The following ARMC3 variants were observed in gnomAD, a reference collection of about 807,000 sequenced individuals.
ARMC3 encodes armadillo repeat-containing protein 3.
Under a neutral mutation model 90.3 loss-of-function variants are expected in ARMC3, and 74 were observed. The observed-to-expected ratio is 0.82, with a 90% CI of 0.68 to 0.99. The LOEUF (loss-of-function observed/expected upper bound fraction) is 0.99. ARMC3 is among the 50% of genes least tolerant of loss of function. The pLI is 0.00. For missense variants in ARMC3, 958 were observed against 1,042.8 expected (o/e 0.92, Z 1.12); for synonymous variants, 334 against 361.8 (o/e 0.92, Z 0.87).
Position 23,037,278 on chromosome 10 carries a change from T to G in ARMC3, c.2418T>G (p.Ala806=). ...CTTGTTTTCTCCTGCAGGCTCTGGC[T>G]GATAGAATTGGCATTGGTTGCTCCC... ...YHRALLFKAL[A]DRIGIGCSLV... The change falls in exon 19 of 19, where the codon GCT becomes GCG. Residue 806 remains alanine (A), a synonymous_variant. Transcript: ENST00000298032. 1 of 1,592,968 alleles carries G rather than the reference T, an allele frequency of 6.3e-7. No individual in the cohort carries two copies. Among genetic ancestry groups the G allele is most frequent in the South Asian group, 1.1e-5 (1 of 88,032 alleles).
intron 2 of ARMC3, among the ~76,000 whole-genome samples, chr10:22,942,901 A>C (rs1232184664): frequency 6.6e-6 from 1 of 152,236 alleles, no homozygotes; most frequent in Non-Finnish European, 1.5e-5. Flanking sequence ...CTATATAAGC[A>C]AAAATGTGAA....
At chr10:22,963,549 T>C (rs1835294868) in intron 7 of ARMC3, among the ~76,000 whole-genome samples, 1 of 151,864 alleles carries the variant, frequency 6.6e-6, no homozygotes, top group Non-Finnish European at 1.5e-5. Flanking sequence ...GTCCTGGAAG[T>C]TGGAACCGGG....
chr10:23,003,496 A>T (rs1564386967), intron 13 of ARMC3, 82 bp downstream of exon 13: 2 of 1,076,646 alleles, frequency 1.9e-6, no homozygotes, highest in South Asian at 2.3e-5. Flanking sequence ...TTGCCATTTC[A>T]TCATCACCTA....
intron 16 of ARMC3, among the ~76,000 whole-genome samples, chr10:23,019,682 C>A (rs1047909523): frequency 2.0e-5 from 3 of 152,162 alleles, no homozygotes; most frequent in Non-Finnish European, 4.4e-5. Flanking sequence ...ACCTCAGCCT[C>A]CCGAGTAGCT....
chr10:22,957,878 T>C (rs1835014431), intron 4 of ARMC3, among the ~76,000 whole-genome samples: 1 of 152,196 alleles, frequency 6.6e-6, no homozygotes, highest in East Asian at 1.9e-4. Flanking sequence ...TTATTCTACT[T>C]ACATACCATT....
intron 2 of ARMC3, among the ~76,000 whole-genome samples, chr10:22,937,426 T>G (rs900563931): frequency 1.1e-4 from 16 of 152,304 alleles, no homozygotes; most frequent in African/African-American, 3.4e-4. Flanking sequence ...GTGAGGTCTC[T>G]GGGGTGAAAG....
chr10:22,936,619 T>C (rs3109068), intron 2 of ARMC3, among the ~76,000 whole-genome samples: 38,755 of 152,068 alleles, frequency 0.25, 7,045 homozygotes, highest in African/African-American at 0.48. Flanking sequence ...AATTTCTCAA[T>C]GAGCTTGTTG....
chr10:23,037,020 T>C (rs1005725935), intron 18 of ARMC3, among the ~76,000 whole-genome samples: 1 of 152,196 alleles, frequency 6.6e-6, no homozygotes, highest in Non-Finnish European at 1.5e-5. Flanking sequence ...GATACAATAG[T>C]GTTACTACCT....
rs1837402230 is a variant in ARMC3, at chr10:23,003,228, T to TA, written c.1563-18_1563-17insA. 6.2e-7 allele frequency: 1 copy of TA among 1,603,918 alleles called. No individual in the cohort carries two copies. Among genetic ancestry groups the TA allele is most frequent in the Admixed American group, 1.7e-5 (1 of 58,652 alleles). On this transcript the variant is annotated splice_polypyrimidine_tract_variant and intron_variant, in intron 12 of 18. Transcript: ENST00000298032. ...TGGCTTGTATAAAGCAAATAATGCT[T>TA]TTTGCTTTTATTGACAGGGCTTTAG...
At chr10:22,934,961 C>G (rs1018546920) in intron 2 of ARMC3, among the ~76,000 whole-genome samples, 6 of 152,144 alleles carry the variant, frequency 3.9e-5, no homozygotes, top group Non-Finnish European at 5.9e-5. Context: ...GTGTGGCCAT[C>G]ATGATTTACG....
intron 13 of ARMC3, among the ~76,000 whole-genome samples, chr10:23,006,158 T>C (rs1313152774): frequency 6.6e-6 from 1 of 152,016 alleles, no homozygotes; most frequent in Non-Finnish European, 1.5e-5. Context: ...GGTGAATATA[T>C]GTTTGGCATG....
chr10:23,026,313 A>C (rs1461887249), intron 16 of ARMC3, among the ~76,000 whole-genome samples: 3 of 152,146 alleles, frequency 2.0e-5, no homozygotes, highest in Admixed American at 1.3e-4. Flanking sequence ...AGTATTCCTC[A>C]TGAACATAGA....
At chr10:22,984,984 T>G (rs1263218827) in intron 10 of ARMC3, among the ~76,000 whole-genome samples, 4 of 150,962 alleles carry the variant, frequency 2.6e-5, no homozygotes, top group African/African-American at 7.3e-5. Context: ...GCGATCCTCC[T>G]GCCTCAGCCT....
chr10:22,977,273 G>A (rs568204072), intron 8 of ARMC3, among the ~76,000 whole-genome samples: 1 of 152,246 alleles, frequency 6.6e-6, no homozygotes, highest in Admixed American at 6.5e-5. Context: ...GCTTCCTCGT[G>A]CTGTAACCTA....
intron 16 of ARMC3, among the ~76,000 whole-genome samples, chr10:23,025,601 G>A (rs1418674560): frequency 6.6e-6 from 1 of 152,024 alleles, no homozygotes; most frequent in African/African-American, 2.4e-5. Flanking sequence ...AGGGAGTGTT[G>A]AGAGGAAAAT....
intron 7 of ARMC3, among the ~76,000 whole-genome samples, chr10:22,963,451 A>C (rs949759940): frequency 6.6e-6 from 1 of 152,174 alleles, no homozygotes; most frequent in Non-Finnish European, 1.5e-5. Context: ...AAATATAGAG[A>C]GTGAAACATC....
chr10:23,008,966 C>G (rs770537128), intron 16 of ARMC3, 35 bp downstream of exon 16: 1 of 1,573,130 alleles, frequency 6.4e-7, no homozygotes, highest in Non-Finnish European at 8.7e-7. Flanking sequence ...ATTACCCAGC[C>G]AGGCTGGTGG....
At chr10:23,023,408 A>G (rs949827906) in intron 16 of ARMC3, among the ~76,000 whole-genome samples, 1 of 152,204 alleles carries the variant, frequency 6.6e-6, no homozygotes, top group Admixed American at 6.5e-5. Context: ...GAGTTTCCCA[A>G]TATAATAGAC....
chr10:23,015,084 G>A (rs1174539894), intron 16 of ARMC3, among the ~76,000 whole-genome samples: 1 of 152,030 alleles, frequency 6.6e-6, no homozygotes, highest in Non-Finnish European at 1.5e-5. Flanking sequence ...ATTTTTGAAA[G>A]GGAGAGGAGA....
Sources: gnomAD v4.1 joint callset for allele counts (sites outside exome capture counted in the v4.1 genomes callset) on GRCh38, gnomAD v4.1.1 for gene constraint, MANE v1.5 for transcripts, NCBI Gene and HGNC (gene_info 2026-07-23, HGNC 2026-07-21) for gene names.